The following KCNH5 variants were observed in gnomAD, a reference collection of about 807,000 sequenced individuals.
The protein encoded by KCNH5 is voltage-gated delayed rectifier potassium channel KCNH5.
KCNH5 carries 46 observed loss-of-function variants against 96.1 expected under a neutral mutation model. The observed-to-expected ratio is 0.48, with a 90% CI of 0.38 to 0.61. KCNH5 has a LOEUF of 0.61. Ranked by LOEUF, KCNH5 falls within the 20% of genes least tolerant of loss-of-function variation. The probability of loss-of-function intolerance (pLI) is 0.00; values close to 1 mark genes in which losing one functional copy is unlikely to be tolerated. For missense variants in KCNH5, 907 were observed against 1,225.8 expected (o/e 0.74, Z 3.88); for synonymous variants, 439 against 449.8 (o/e 0.98, Z 0.30).
intron 7 of KCNH5, among the ~76,000 whole-genome samples, chr14:62,910,567 T>G (rs183974629): frequency 1.3e-5 from 2 of 152,150 alleles, no homozygotes; most frequent in East Asian, 3.9e-4. Flanking sequence ...CAATAACAAA[T>G]TGAAAAGGTA....
chr14:62,836,408 A>G (rs201927405), intron 8 of KCNH5, among the ~76,000 whole-genome samples: 2 of 152,132 alleles, frequency 1.3e-5, no homozygotes, highest in Non-Finnish European at 2.9e-5. Flanking sequence ...AGTTCAGTAA[A>G]ATTACATATC....
chr14:62,773,183 T>C (rs1260121888), intron 10 of KCNH5, among the ~76,000 whole-genome samples: 1 of 152,238 alleles, frequency 6.6e-6, no homozygotes, highest in Non-Finnish European at 1.5e-5. Context: ...GTCTCAGCTC[T>C]ACCACTAACT....
intron 1 of KCNH5, among the ~76,000 whole-genome samples, chr14:63,041,623 TG>T (rs2139634586): frequency 6.6e-6 from 1 of 152,318 alleles, no homozygotes; most frequent in Non-Finnish European, 1.5e-5. Flanking sequence ...TAATTCCTTT[TG>T]TCTAGAAATG....
chr14:62,987,939 T>A (rs896100109), intron 4 of KCNH5, among the ~76,000 whole-genome samples: 1 of 152,186 alleles, frequency 6.6e-6, no homozygotes, highest in Non-Finnish European at 1.5e-5. Flanking sequence ...CACACTTCCA[T>A]CTTCCTTGTA....
chr14:62,988,058 T>A (rs971304523), intron 4 of KCNH5, among the ~76,000 whole-genome samples: 1 of 152,086 alleles, frequency 6.6e-6, no homozygotes, highest in Non-Finnish European at 1.5e-5. Flanking sequence ...CAGTGACTTT[T>A]GGGGGAAAGA....
In KCNH5 at chr14:62,707,468, A is replaced by G; in HGVS notation, c.*40T>C. 9.5e-7 allele frequency: 1 copy of G among 1,048,530 alleles called. No homozygotes were observed. The highest frequency in any genetic ancestry group is 1.3e-6 in the Non-Finnish European group (1 of 785,702). The allele number at this position is 1,048,530 out of a possible 1,614,324, so 65.0% of individuals were successfully genotyped here. A position where few individuals can be genotyped will look rare whatever the true frequency, so the allele number is the denominator to read the frequency against. Reference sequence around the variant, plus strand: ...ATACTGTATATACACACATATGTATATACTGTTTTAATATATTAACAAATA... The same window carrying G: ...ATACTGTATATACACACATATGTATGTACTGTTTTAATATATTAACAAATA... On this transcript the variant is annotated 3_prime_UTR_variant, in exon 11 of 11. Coordinates refer to ENST00000322893, the MANE Select transcript of KCNH5 (RefSeq NM_139318.5).
chr14:62,834,263 T>G (rs1225897248), intron 8 of KCNH5, among the ~76,000 whole-genome samples: 1 of 152,040 alleles, frequency 6.6e-6, no homozygotes, highest in Non-Finnish European at 1.5e-5. Flanking sequence ...AATGTCATTT[T>G]GAGTGATCAT....
intron 7 of KCNH5, among the ~76,000 whole-genome samples, chr14:62,933,697 A>C (rs983714917): frequency 6.6e-6 from 1 of 152,228 alleles, no homozygotes; most frequent in African/African-American, 2.4e-5. Flanking sequence ...AGGCATGAAG[A>C]TCAAGGAATT....
chr14:62,817,578 G>A (rs962345942), intron 8 of KCNH5, among the ~76,000 whole-genome samples: 4 of 150,092 alleles, frequency 2.7e-5, no homozygotes, highest in Middle Eastern at 3.4e-3. Flanking sequence ...TCAGCTACAT[G>A]TCAAATATGT....
intron 7 of KCNH5, among the ~76,000 whole-genome samples, chr14:62,891,409 G>A (rs1888708516): frequency 6.6e-6 from 1 of 152,140 alleles, no homozygotes; most frequent in South Asian, 2.1e-4. Context: ...CTACTTGAGG[G>A]TGGAAGTGGG....
chr14:63,044,094 T>C (rs941261463), intron 1 of KCNH5, among the ~76,000 whole-genome samples: 2 of 152,172 alleles, frequency 1.3e-5, no homozygotes, highest in Admixed American at 6.5e-5. Flanking sequence ...GTACTCCATA[T>C]ACAGAAATGT....
At position 62,945,702 on chromosome 14, in the gene KCNH5, A is replaced by G. The variant is rs181728361; in HGVS notation, c.1369+4431T>C. Among the ~76,000 whole-genome samples the G allele has an allele frequency of 7.6e-4, 115 of 152,164 alleles. 1 individual carries two copies. The highest frequency in any genetic ancestry group is 2.6e-3 in the African/African-American group (108 of 41,540). On this transcript the variant is annotated intron_variant, in intron 7 of 10. Transcript: ENST00000322893. ...TTTTTTATAGTAGGGTAGCACTGGA[A>G]GGAATTTCTGTAGAGGCGATACCGT... is the stretch of plus-strand genomic sequence containing the variant.
intron 7 of KCNH5, among the ~76,000 whole-genome samples, chr14:62,881,667 C>G (rs1888494655): frequency 6.6e-6 from 1 of 152,022 alleles, no homozygotes. Flanking sequence ...TCACTATGCA[C>G]ATTACTAGTC....
intron 7 of KCNH5, among the ~76,000 whole-genome samples, chr14:62,879,543 G>T (rs1386895702): frequency 6.6e-6 from 1 of 152,022 alleles, no homozygotes; most frequent in African/African-American, 2.4e-5. Context: ...CAGTGTAAAG[G>T]TAAATCTACA....
At chr14:63,014,423 T>C (rs1230673528) in intron 2 of KCNH5, among the ~76,000 whole-genome samples, 1 of 152,134 alleles carries the variant, frequency 6.6e-6, no homozygotes, top group Non-Finnish European at 1.5e-5. Flanking sequence ...GCACTTACAA[T>C]CTGGTACTTG....
chr14:62,920,366 A>C (rs1393335635), intron 7 of KCNH5, among the ~76,000 whole-genome samples: 1 of 152,128 alleles, frequency 6.6e-6, no homozygotes. Context: ...GAGAACAATA[A>C]AAAAATGGGA....
At position 62,950,106 on chromosome 14, in the gene KCNH5, T is replaced by G. The variant is rs556075793; in HGVS notation, c.1369+27A>C. 1.5e-5 allele frequency: 24 copies of G among 1,606,330 alleles called. No individual in the cohort carries two copies. The South Asian group carries it at 2.4e-4, about 16-fold the overall frequency. On this transcript the variant is annotated intron_variant, in intron 7 of 10. Coordinates refer to ENST00000322893, the MANE Select transcript of KCNH5 (RefSeq NM_139318.5). Reference sequence around the variant, plus strand: ...CAGGAAAATTGCCAATAACAATAATTTTCAATGAAAAAATTAAAATACTTA... The same window carrying G: ...CAGGAAAATTGCCAATAACAATAATGTTCAATGAAAAAATTAAAATACTTA...
At chr14:62,978,635 T>A (rs1890548197) in intron 6 of KCNH5, among the ~76,000 whole-genome samples, 1 of 151,664 alleles carries the variant, frequency 6.6e-6, no homozygotes, top group Non-Finnish European at 1.5e-5. Flanking sequence ...GGATTTACTT[T>A]GCATTTCTTG....
intron 7 of KCNH5, among the ~76,000 whole-genome samples, chr14:62,931,862 G>C (rs903879698): frequency 1.3e-5 from 2 of 152,114 alleles, no homozygotes; most frequent in African/African-American, 4.8e-5. Flanking sequence ...TGAAGGAAGA[G>C]CAGAAAGTAG....
Sources: gnomAD v4.1 joint callset for allele counts (sites outside exome capture counted in the v4.1 genomes callset) on GRCh38, gnomAD v4.1.1 for gene constraint, MANE v1.5 for transcripts, NCBI Gene and HGNC (gene_info 2026-07-23, HGNC 2026-07-21) for gene names.